The following TSGA10 variants were observed in gnomAD, a reference collection of about 807,000 sequenced individuals.
The protein encoded by TSGA10 is testis-specific gene 10 protein.
In TSGA10, 43 loss-of-function variants were observed where a neutral mutation model predicts 96.6. That is an observed-to-expected ratio of 0.44 (90% CI 0.35 to 0.57). TSGA10 has a LOEUF of 0.57. TSGA10 is among the 20% of genes least tolerant of loss of function. TSGA10 has a pLI of 0.01. For synonymous variants in TSGA10, 229 were observed against 269.9 expected, an observed-to-expected ratio of 0.85 and a Z score of 1.48; for missense variants, 703 against 834.4, an observed-to-expected ratio of 0.84 and a Z score of 1.94.
intron 1 of TSGA10, chr2:99,147,492 A>C: frequency 6.2e-7 from 1 of 1,613,946 alleles, no homozygotes; most frequent in Admixed American, 1.7e-5. Context: ...GGGGAAGTTA[A>C]GGTAAGACTC....
chr2:99,074,526 C>T (rs2086451323), intron 12 of TSGA10, among the ~76,000 whole-genome samples: 2 of 151,812 alleles, frequency 1.3e-5, no homozygotes, highest in African/African-American at 2.4e-5. Context: ...AAGTTAAACC[C>T]CTTCAAGAAG....
At chr2:99,109,745 G>C (rs2104846940) in intron 5 of TSGA10, among the ~76,000 whole-genome samples, 1 of 152,172 alleles carries the variant, frequency 6.6e-6, no homozygotes. Context: ...CAGGATTTCT[G>C]GGTATGCTAT....
chr2:99,108,838 C>A lies in TSGA10; in HGVS notation c.205G>T (p.Glu69Ter). ...SERDKIFLLY[E>*]QAQEEITRLR... ...TTTGTTTTTTGTAAGTTTACCTGTTCATAAAGAAGGAAGATCTTGTCTCTC... is the reference window on the plus strand; with the variant it reads ...TTTGTTTTTTGTAAGTTTACCTGTTAATAAAGAAGGAAGATCTTGTCTCTC... Residue 69 changes from glutamate (E) to a stop codon, truncating the protein, a stop_gained, in exon 7 of 21, where the codon GAA becomes TAA. Transcript: ENST00000393483. LOFTEE classifies it high-confidence loss of function. 6.4e-7 allele frequency: 1 copy of A among 1,559,420 alleles called. No homozygotes were observed. Among genetic ancestry groups the A allele is most frequent in the Non-Finnish European group, 8.6e-7 (1 of 1,160,782 alleles).
intron 16 of TSGA10, among the ~76,000 whole-genome samples, chr2:99,055,626 T>A (rs1222048393): frequency 1.3e-5 from 2 of 151,766 alleles, no homozygotes; most frequent in Non-Finnish European, 2.9e-5. Context: ...TTAATAAAAC[T>A]GGTGGGGGAA....
chr2:99,050,358 G>A (rs762481461), intron 16 of TSGA10, among the ~76,000 whole-genome samples: 18 of 152,092 alleles, frequency 1.2e-4, no homozygotes, highest in African/African-American at 2.2e-4. Flanking sequence ...GGAAATGCTC[G>A]TTAAAACATT....
intron 17 of TSGA10, among the ~76,000 whole-genome samples, chr2:99,031,286 CAAAAAAAAAAAAAA>C (rs70940132): frequency 1.7e-4 from 8 of 46,384 alleles, no homozygotes; most frequent in East Asian, 1.6e-3. Flanking sequence ...ACTCATAGGC[CAAAAAAAAAAAAAA>C]AAAAAAAAAA....
At chr2:99,038,000 T>C (rs1023847829) in intron 16 of TSGA10, among the ~76,000 whole-genome samples, 6 of 151,920 alleles carry the variant, frequency 3.9e-5, no homozygotes, top group African/African-American at 1.5e-4. Flanking sequence ...TGGGGTCCTA[T>C]CTTTTACCTC....
At chr2:99,110,575 C>G (rs772556999) in intron 5 of TSGA10, among the ~76,000 whole-genome samples, 2 of 152,098 alleles carry the variant, frequency 1.3e-5, no homozygotes, top group Non-Finnish European at 2.9e-5. Context: ...ATTCAGTCAT[C>G]ATTTTAAATC....
intron 10 of TSGA10, among the ~76,000 whole-genome samples, chr2:99,103,103 T>C (rs79531647): frequency 1.0e-4 from 15 of 150,430 alleles, no homozygotes; most frequent in African/African-American, 3.2e-4. Flanking sequence ...AAAAAAAAAT[T>C]GTTAAGAAAG....
At position 99,010,676 on chromosome 2, in the gene TSGA10, C is replaced by G. The variant is rs2078925812; in HGVS notation, c.2072+7524G>C. On this transcript the variant is annotated intron_variant, in intron 20 of 20. Transcript: ENST00000393483. ...AGCCAGCAGAATTGGGGAGGGGTCA[C>G]AGAGTGAAGGAAGCTCCCAACTGAA... is the stretch of plus-strand genomic sequence containing the variant. Among the ~76,000 whole-genome samples the G allele has an allele frequency of 2.6e-5, 4 of 152,318 alleles. No individual in the cohort carries two copies. The South Asian group carries it at 8.3e-4, about 32-fold the overall frequency.
chr2:99,086,420 T>C (rs1228112909), intron 10 of TSGA10, among the ~76,000 whole-genome samples: 3 of 152,212 alleles, frequency 2.0e-5, no homozygotes, highest in Non-Finnish European at 2.9e-5. Context: ...CATGCCAGGT[T>C]GGTTTACAAT....
rs2085118610 is a variant in TSGA10, at chr2:99,065,111, C to T, written c.1232G>A (p.Arg411Gln). The change falls in exon 16 of 21, where the codon CGG becomes CAG. Residue 411 changes from arginine (R) to glutamine (Q), a missense_variant. Physicochemically the swap from Arg to Gln is conservative, Grantham distance 43. Coordinates refer to ENST00000393483, the MANE Select transcript of TSGA10 (RefSeq NM_025244.4). ...TTTTCGAAGTTGTTCCATCATTTGC[C>T]GGTTCTCAGATTCCTGAAAAGCAAA... ...NILKSEESEN[R>Q]QMMEQLRKAN... is the part of the protein sequence containing the mutation. 3.7e-6 allele frequency: 6 copies of T among 1,611,044 alleles called. No individual in the cohort carries two copies. Among genetic ancestry groups the T allele is most frequent in the Non-Finnish European group, 5.1e-6 (6 of 1,179,180 alleles).
At chr2:99,095,843 T>G (rs374182617) in intron 10 of TSGA10, among the ~76,000 whole-genome samples, 9 of 152,112 alleles carry the variant, frequency 5.9e-5, no homozygotes, top group African/African-American at 1.9e-4. Context: ...GTTTCACCAT[T>G]TTGGCCAGGC....
chr2:99,041,268 G>A (rs1168376406), intron 16 of TSGA10, among the ~76,000 whole-genome samples: 2 of 152,148 alleles, frequency 1.3e-5, no homozygotes, highest in Non-Finnish European at 2.9e-5. Flanking sequence ...TCTGCAATGG[G>A]CACCCTTTCT....
intron 10 of TSGA10, among the ~76,000 whole-genome samples, chr2:99,090,609 A>G (rs2089203966): frequency 6.6e-6 from 1 of 152,190 alleles, no homozygotes; most frequent in Non-Finnish European, 1.5e-5. Flanking sequence ...AATCAAGGGC[A>G]CACAGAAATG....
intron 11 of TSGA10, among the ~76,000 whole-genome samples, chr2:99,080,520 C>A (rs993988568): frequency 6.6e-6 from 1 of 152,122 alleles, no homozygotes; most frequent in South Asian, 2.1e-4. Context: ...GAGACACAAA[C>A]TTAAATATTC....
chr2:99,100,647 C>A (rs1029699712), intron 10 of TSGA10, among the ~76,000 whole-genome samples: 11 of 151,258 alleles, frequency 7.3e-5, no homozygotes, highest in African/African-American at 2.4e-4. Flanking sequence ...GGTGAAACCC[C>A]GTCTCTACTA....
chr2:99,056,961 T>G (rs1329993643), intron 16 of TSGA10, among the ~76,000 whole-genome samples: 1 of 151,680 alleles, frequency 6.6e-6, no homozygotes, highest in African/African-American at 2.4e-5. Flanking sequence ...ATCTATAAAA[T>G]AAAGAAAAAC....
chr2:99,121,333 T>C lies in TSGA10; in HGVS notation c.-491-2647A>G, dbSNP rs116956856. 1.1e-4 allele frequency among the ~76,000 whole-genome samples: 12 copies of C among 106,510 alleles called. 1 individual carries two copies. The East Asian group carries it at 3.4e-3, about 31-fold the overall frequency. The allele number at this position is 106,510 out of a possible 152,430, so 69.9% of individuals were successfully genotyped here. The stretch of plus-strand genomic sequence containing the variant: ...TCCTCATCCTTGCCAGCATTTGGTA[T>C]TGTCACTATTTTTTATTTTAGTTAC... On this transcript the variant is annotated intron_variant, in intron 2 of 20. Coordinates refer to ENST00000393483, the MANE Select transcript of TSGA10 (RefSeq NM_025244.4).
Sources: allele counts gnomAD v4.1 joint callset (sites outside exome capture counted in the v4.1 genomes callset), GRCh38; gene constraint gnomAD v4.1.1; transcripts MANE v1.5; gene names NCBI Gene and HGNC (gene_info 2026-07-23, HGNC 2026-07-21).